CCDC66: variants seen among roughly 807,000 people sequenced by gnomAD.
CCDC66 encodes coiled-coil domain-containing protein 66.
Under a neutral mutation model 128.3 loss-of-function variants are expected in CCDC66, and 133 were observed. The observed-to-expected ratio is 1.04, with a 90% CI of 0.90 to 1.20. The LOEUF (loss-of-function observed/expected upper bound fraction) is 1.20. Ranked by LOEUF, CCDC66 falls within the 50% of genes most tolerant of loss-of-function variation. CCDC66 has a pLI of 0.00. For synonymous variants in CCDC66, 387 were observed against 357.0 expected, an observed-to-expected ratio of 1.08 and a Z score of -0.95; for missense variants, 1,126 against 1,075.5, an observed-to-expected ratio of 1.05 and a Z score of -0.66.
chr3:56,591,053 C>T (rs974291714), intron 7 of CCDC66, among the ~76,000 whole-genome samples: 1 of 152,164 alleles, frequency 6.6e-6, no homozygotes, highest in African/African-American at 2.4e-5. Flanking sequence ...CTCCCCATCT[C>T]CCACCCCCAT....
At chr3:56,576,278 A>T (rs1382815841) in intron 7 of CCDC66, among the ~76,000 whole-genome samples, 7 of 148,190 alleles carry the variant, frequency 4.7e-5, no homozygotes, top group African/African-American at 1.7e-4. Context: ...AATTTTTTAA[A>T]TTTTTTTTGT....
chr3:56,584,030 T>C (rs1357472584), intron 7 of CCDC66, among the ~76,000 whole-genome samples: 2 of 77,106 alleles, frequency 2.6e-5, no homozygotes, highest in Non-Finnish European at 5.1e-5. Context: ...GCCCCCCACC[T>C]CCCTCCCGGA....
rs570178601 is a variant in CCDC66, at chr3:56,559,709, T to C, written c.102+115T>C. The stretch of plus-strand genomic sequence containing the variant: ...AAGTGTTCTAAGGGGTTTGGAATTA[T>C]AGTGAGGAGTTATTATTTTCTTGCT... On this transcript the variant is annotated intron_variant, in intron 3 of 17. Transcript: ENST00000394672. 10 of 713,520 alleles carry C rather than the reference T, an allele frequency of 1.4e-5. No homozygotes were observed. The African/African-American group carries it at 1.7e-4, about 12-fold the overall frequency. 44.2% of individuals were successfully genotyped at this position (713,520 alleles called of 1,614,324 possible).
intron 10 of CCDC66, among the ~76,000 whole-genome samples, chr3:56,610,569 T>G (rs1421017902): frequency 6.6e-6 from 1 of 152,236 alleles, no homozygotes; most frequent in Non-Finnish European, 1.5e-5. Flanking sequence ...CTTTTTCAGG[T>G]AAATCAGGGA....
rs374553604 is a variant in CCDC66 at position 56,591,406 on chromosome 3, CTT to C, written c.937-1561_937-1560del. On this transcript the variant is annotated intron_variant, in intron 7 of 17. Transcript: ENST00000394672. ...CTTAAACAAATATACAGCATCCACT[CTT>C]TTAGCTTCCCTGGGTCACACTGCAA... 2.0e-3 allele frequency among the ~76,000 whole-genome samples: 303 copies of C among 152,300 alleles called. 16 individuals carry two copies. In the South Asian group the frequency reaches 0.06, roughly 30 times the overall value.
chr3:56,606,259 T>C (rs2074053445), intron 10 of CCDC66, among the ~76,000 whole-genome samples: 1 of 152,072 alleles, frequency 6.6e-6, no homozygotes, highest in African/African-American at 2.4e-5. Context: ...CTCCCTGGCT[T>C]CCGCCCCCTT....
In CCDC66 at chr3:56,615,941, A is replaced by T; in HGVS notation, c.1731A>T (p.Glu577Asp). The T allele has an allele frequency of 6.3e-7, 1 of 1,597,842 alleles. No homozygotes were observed. Among genetic ancestry groups the T allele is most frequent in the Non-Finnish European group, 8.5e-7 (1 of 1,171,266 alleles). Residue 577 changes from glutamate (E) to aspartate (D), a missense_variant, in exon 13 of 18, where the codon GAA becomes GAT. Glu to Asp is a conservative substitution (Grantham distance 45, BLOSUM62 2). Transcript: ENST00000394672. ...KNLGVDTIQM[E>D]YNASNISNSR... ...TGCCAGTTGATACAATACAAATGGA[A>T]TATAATGCATCTAACATTTCAAATT...
At chr3:56,581,162 T>G (rs2068297804) in intron 7 of CCDC66, among the ~76,000 whole-genome samples, 1 of 151,864 alleles carries the variant, frequency 6.6e-6, no homozygotes, top group Non-Finnish European at 1.5e-5. Context: ...CATTTGATCT[T>G]CAGTCACTGA....
chr3:56,568,847 G>A (rs981073612), intron 6 of CCDC66, among the ~76,000 whole-genome samples: 5 of 152,254 alleles, frequency 3.3e-5, no homozygotes, highest in East Asian at 3.9e-4. Context: ...TTGAAATTTC[G>A]TTAGTGACTA....
At chr3:56,559,498 A>T in intron 2 of CCDC66, 71 bp from the exon 3 acceptor site, 2 of 951,178 alleles carry the variant, frequency 2.1e-6, no homozygotes, top group Non-Finnish European at 3.2e-6. Context: ...AATATTAATT[A>T]CAGTTTTCTT....
intron 7 of CCDC66, chr3:56,572,205 A>C: frequency 2.4e-6 from 1 of 412,856 alleles, no homozygotes; most frequent in Non-Finnish European, 4.6e-6. Context: ...GTAAGTGTTT[A>C]GTTATCAAAT....
chr3:56,619,020 A>C, intron 15 of CCDC66: 2 of 338,144 alleles, frequency 5.9e-6, no homozygotes, highest in South Asian at 4.3e-5. Context: ...GGAGTTCAAG[A>C]CCAGCCTGGC....
intron 10 of CCDC66, among the ~76,000 whole-genome samples, chr3:56,595,801 A>G (rs988645337): frequency 2.6e-5 from 4 of 152,224 alleles, no homozygotes; most frequent in Admixed American, 2.0e-4. Flanking sequence ...AGACGTCTCC[A>G]TACTGTTTTC....
rs11386043 is a variant in CCDC66, at chr3:56,592,525, A to ATTTT, written c.937-432_937-429dup. Among the ~76,000 whole-genome samples, 8 of 142,132 alleles carry ATTTT rather than the reference A, an allele frequency of 5.6e-5. 1 individual carries two copies. The highest frequency in any genetic ancestry group is 1.4e-4 in the Admixed American group (2 of 14,268). The allele number at this position is 142,132 out of a possible 152,430, so 93.2% of individuals were successfully genotyped here. ...AGACATGCACCACCACAGCTGGCTA[A>ATTTT]TTTTTTTTTTTTTTTTCAGTAGAGA... is the stretch of plus-strand genomic sequence containing the variant. On this transcript the variant is annotated intron_variant, in intron 7 of 17. Coordinates refer to ENST00000394672, the MANE Select transcript of CCDC66 (RefSeq NM_001141947.3).
In CCDC66 at chr3:56,621,623, A is replaced by G. The variant is rs751055240; in HGVS notation, c.*5A>G. The G allele has an allele frequency of 6.3e-7, 1 of 1,579,990 alleles. No homozygotes were observed. Among genetic ancestry groups the G allele is most frequent in the South Asian group, 1.1e-5 (1 of 87,374 alleles). On this transcript the variant is annotated 3_prime_UTR_variant, in exon 18 of 18. Coordinates refer to ENST00000394672, the MANE Select transcript of CCDC66 (RefSeq NM_001141947.3). ...AGTTTTGGTTCTTCATTTTAAATGT[A>G]GAAAATCAAATCCTTCACATTTGAT...
At chr3:56,618,032 ATATC>A (rs2075740883) in intron 14 of CCDC66, 136 bp from the exon 15 acceptor site, 1 of 704,582 alleles carries the variant, frequency 1.4e-6, no homozygotes, top group East Asian at 2.6e-5. Flanking sequence ...GGAAAAAACT[ATATC>A]TATTCCATTG....
At chr3:56,570,746 T>TA (rs77964160) in intron 6 of CCDC66, 1,817 of 15,474 alleles carry the variant, frequency 0.12, 612 homozygotes, top group South Asian at 0.19. Flanking sequence ...GACTCTATAT[T>TA]AAAAAAAAAA....
chr3:56,593,742 G>T lies in CCDC66; in HGVS notation c.1319+1G>T. Reference sequence around the variant, plus strand: ...TTATGGCAAACAGTAAGAAAACAAAGTAAGTTCATGCTTATGTATTTATTG... The same window carrying T: ...TTATGGCAAACAGTAAGAAAACAAATTAAGTTCATGCTTATGTATTTATTG... On this transcript the variant is annotated splice_donor_variant, in intron 9 of 17. Transcript: ENST00000394672. LOFTEE classifies it high-confidence loss of function. 1 of 1,610,018 alleles carries T rather than the reference G, an allele frequency of 6.2e-7. No homozygotes were observed. The highest frequency in any genetic ancestry group is 8.5e-7 in the Non-Finnish European group (1 of 1,176,542).
At chr3:56,596,329 T>C (rs2071908916) in intron 10 of CCDC66, among the ~76,000 whole-genome samples, 1 of 152,242 alleles carries the variant, frequency 6.6e-6, no homozygotes, top group Non-Finnish European at 1.5e-5. Context: ...CATGTACCTG[T>C]TTGCCATTTA....
Sources: allele counts gnomAD v4.1 joint callset (sites outside exome capture counted in the v4.1 genomes callset), GRCh38; gene constraint gnomAD v4.1.1; transcripts MANE v1.5; gene names NCBI Gene and HGNC (gene_info 2026-07-23, HGNC 2026-07-21).